DLGAP2: variants seen among roughly 807,000 people sequenced by gnomAD.
DLGAP2 encodes DLG associated protein 2.
DLGAP2 carries 26 observed loss-of-function variants against 100.3 expected under a neutral mutation model. The ratio of observed to expected loss-of-function variants is 0.26; its 90% CI spans 0.19 to 0.36. DLGAP2 has a LOEUF of 0.36. DLGAP2 is among the 10% of genes least tolerant of loss of function. The pLI, the probability that DLGAP2 is intolerant of heterozygous loss-of-function variation, is 1.00. For missense variants in DLGAP2, 1,858 were observed against 1,453.2 expected (o/e 1.28, Z -4.53); for synonymous variants, 886 against 630.1 (o/e 1.41, Z -6.08).
intron 2 of DLGAP2, among the ~76,000 whole-genome samples, chr8:1,091,602 A>C (rs868207528): frequency 4.8e-4 from 73 of 152,316 alleles, no homozygotes; most frequent in African/African-American, 1.7e-3. Flanking sequence ...ATCATTCGGC[A>C]GGTCCCTCCG....
chr8:1,210,299 A>C (rs183538317), intron 2 of DLGAP2, among the ~76,000 whole-genome samples: 461 of 152,298 alleles, frequency 3.0e-3, no homozygotes, highest in Non-Finnish European at 5.1e-3. Context: ...AGCTGATGAC[A>C]GGGAGGTTTG....
chr8:1,279,149 T>G (rs4531077), intron 3 of DLGAP2, among the ~76,000 whole-genome samples: 56,487 of 152,098 alleles, frequency 0.37, 11,213 homozygotes, highest in African/African-American at 0.49. Flanking sequence ...GTCAGTAGTG[T>G]GCTTTGACAG....
At chr8:834,202 G>A (rs1796831556) in intron 1 of DLGAP2, among the ~76,000 whole-genome samples, 1 of 152,216 alleles carries the variant, frequency 6.6e-6, no homozygotes, top group African/African-American at 2.4e-5. Flanking sequence ...AGTAGACCAT[G>A]GGCTGACGAG....
At chr8:1,663,996 C>G (rs138784857) in intron 8 of DLGAP2, among the ~76,000 whole-genome samples, 1 of 152,150 alleles carries the variant, frequency 6.6e-6, no homozygotes, top group Non-Finnish European at 1.5e-5. Context: ...CTGGGGAAAT[C>G]CAAGTAAAGT....
chr8:1,307,927 C>T (rs534911363), intron 3 of DLGAP2, among the ~76,000 whole-genome samples: 2 of 148,500 alleles, frequency 1.3e-5, no homozygotes, highest in Non-Finnish European at 3.0e-5. Context: ...GAAAAGGACG[C>T]ATTTTGGAGA....
At chr8:902,498 G>C (rs551831155) in intron 1 of DLGAP2, among the ~76,000 whole-genome samples, 1 of 146,528 alleles carries the variant, frequency 6.8e-6, no homozygotes, top group South Asian at 2.3e-4. Flanking sequence ...AGAGGCGCTG[G>C]GTGCCCTGCG....
At chr8:1,250,020 A>G (rs1378116212) in intron 2 of DLGAP2, among the ~76,000 whole-genome samples, 1 of 152,064 alleles carries the variant, frequency 6.6e-6, no homozygotes. Flanking sequence ...AGCTGAGACT[A>G]CAGGTGCATG....
At chr8:933,210 C>T (rs1798998293) in intron 2 of DLGAP2, among the ~76,000 whole-genome samples, 1 of 152,268 alleles carries the variant, frequency 6.6e-6, no homozygotes, top group Non-Finnish European at 1.5e-5. Flanking sequence ...GGGTCAGACC[C>T]TCTTTGCCAC....
At chr8:810,605 C>G (rs1435925973) in intron 1 of DLGAP2, among the ~76,000 whole-genome samples, 1 of 152,144 alleles carries the variant, frequency 6.6e-6, no homozygotes, top group Non-Finnish European at 1.5e-5. Flanking sequence ...CCATTGTTTA[C>G]TAAATTCTGT....
chr8:1,355,958 C>G (rs150827022), intron 3 of DLGAP2, among the ~76,000 whole-genome samples: 1 of 152,116 alleles, frequency 6.6e-6, no homozygotes, highest in African/African-American at 2.4e-5. Flanking sequence ...TGTTGGGAAG[C>G]ACCGGTGGCC....
chr8:1,143,666 G>A (rs1003485946), intron 2 of DLGAP2, among the ~76,000 whole-genome samples: 2 of 152,098 alleles, frequency 1.3e-5, no homozygotes, highest in Non-Finnish European at 2.9e-5. Context: ...CCTCACCCAC[G>A]CTCCCCACTA....
chr8:1,307,014 A>G (rs907416808), intron 3 of DLGAP2, among the ~76,000 whole-genome samples: 3 of 152,172 alleles, frequency 2.0e-5, no homozygotes, highest in Non-Finnish European at 4.4e-5. Context: ...AGTACAAGCA[A>G]CAAAAGAATA....
At chr8:1,553,413 T>C (rs1457101933) in intron 5 of DLGAP2, among the ~76,000 whole-genome samples, 2 of 152,164 alleles carry the variant, frequency 1.3e-5, no homozygotes, top group African/African-American at 4.8e-5. Context: ...AGCCCCATTT[T>C]GTTTGGCGTG....
chr8:1,192,561 C>T (rs965972626), intron 2 of DLGAP2, among the ~76,000 whole-genome samples: 1 of 150,150 alleles, frequency 6.7e-6, no homozygotes, highest in Admixed American at 6.6e-5. Flanking sequence ...TCAAGTCTGT[C>T]CCCAGCCCCG....
intron 2 of DLGAP2, among the ~76,000 whole-genome samples, chr8:1,060,016 G>A (rs1490275014): frequency 1.3e-5 from 2 of 152,138 alleles, no homozygotes; most frequent in African/African-American, 4.8e-5. Flanking sequence ...AGTGGTCGCT[G>A]GGATGGCTGG....
At chr8:958,206 G>T (rs1333661696) in intron 2 of DLGAP2, among the ~76,000 whole-genome samples, 1 of 152,200 alleles carries the variant, frequency 6.6e-6, no homozygotes, top group Non-Finnish European at 1.5e-5. Flanking sequence ...GGTGGCCTGT[G>T]TCAGAACTGC....
intron 1 of DLGAP2, among the ~76,000 whole-genome samples, chr8:863,010 G>T (rs1382566987): frequency 6.6e-6 from 1 of 152,168 alleles, no homozygotes; most frequent in Non-Finnish European, 1.5e-5. Context: ...ATATGAATAT[G>T]GCAGTGAAAT....
intron 1 of DLGAP2, among the ~76,000 whole-genome samples, chr8:845,396 G>C (rs1340126739): frequency 6.6e-6 from 1 of 152,184 alleles, no homozygotes. Context: ...GTTATGATTT[G>C]CATTTCTCCA....
At chr8:873,043 G>C (rs1047225948) in intron 1 of DLGAP2, among the ~76,000 whole-genome samples, 1 of 152,148 alleles carries the variant, frequency 6.6e-6, no homozygotes, top group Non-Finnish European at 1.5e-5. Context: ...ATGTATGCAT[G>C]TGTAGTATTA....
Sources: gnomAD v4.1 joint callset for allele counts (sites outside exome capture counted in the v4.1 genomes callset) on GRCh38, gnomAD v4.1.1 for gene constraint, MANE v1.5 for transcripts, NCBI Gene and HGNC (gene_info 2026-07-23, HGNC 2026-07-21) for gene names.